ERI1: variants seen among roughly 807,000 people sequenced by gnomAD.
ERI1 encodes exoribonuclease 1, also known as 3'-5' exoribonuclease 1.
Under a neutral mutation model 39.7 loss-of-function variants are expected in ERI1, and 39 were observed. That is an observed-to-expected ratio of 0.98 (90% CI 0.76 to 1.28). The LOEUF is 1.28. Ranked by LOEUF, ERI1 falls within the 50% of genes most tolerant of loss-of-function variation. The pLI, the probability that ERI1 is intolerant of heterozygous loss-of-function variation, is 0.00. For missense variants in ERI1, 581 were observed against 416.9 expected (o/e 1.39, Z -3.43); for synonymous variants, 204 against 149.6 (o/e 1.36, Z -2.65).
intron 1 of ERI1, among the ~76,000 whole-genome samples, chr8:9,005,205 T>A (rs1165980111): frequency 6.6e-6 from 1 of 152,084 alleles, no homozygotes; most frequent in Non-Finnish European, 1.5e-5. Context: ...GATGCAGAGG[T>A]TTTCCTTTTC....
chr8:9,003,708 C>G (rs1183858237), intron 1 of ERI1, among the ~76,000 whole-genome samples: 3 of 152,226 alleles, frequency 2.0e-5, no homozygotes, highest in Admixed American at 6.5e-5. Context: ...ATTTTGACAT[C>G]TCATCGGTTG....
intron 6 of ERI1, among the ~76,000 whole-genome samples, chr8:9,027,178 T>TGTGTG (rs1797232974): frequency 6.6e-6 from 1 of 151,374 alleles, no homozygotes; most frequent in African/African-American, 2.4e-5. Flanking sequence ...TGTGTGTGTG[T>TGTGTG]TTATGGCCAT....
chr8:9,080,637 C>T (rs763583754), intron 3 of ERI1, among the ~76,000 whole-genome samples: 4 of 152,166 alleles, frequency 2.6e-5, no homozygotes, highest in Non-Finnish European at 5.9e-5. Flanking sequence ...TGCCTTATTC[C>T]CCATTGTCTC....
chr8:9,065,507 A>T (rs1798843492), intron 3 of ERI1, among the ~76,000 whole-genome samples: 1 of 151,984 alleles, frequency 6.6e-6, no homozygotes, highest in African/African-American at 2.4e-5. Context: ...CATCTTGGCT[A>T]ACGTGGTGAA....
chr8:9,042,089 G>C (rs924901953), intron 3 of ERI1, among the ~76,000 whole-genome samples: 1 of 152,116 alleles, frequency 6.6e-6, no homozygotes, highest in African/African-American at 2.4e-5. Context: ...GGAAAAGCAA[G>C]AACAAACCAA....
intron 3 of ERI1, among the ~76,000 whole-genome samples, chr8:9,081,054 A>G (rs1236652619): frequency 2.0e-5 from 3 of 152,158 alleles, no homozygotes; most frequent in African/African-American, 7.2e-5. Context: ...ATCATGGTGG[A>G]AGGTGAAGGG....
intron 3 of ERI1, among the ~76,000 whole-genome samples, chr8:9,056,726 TG>T (rs1798521108): frequency 6.6e-6 from 1 of 152,236 alleles, no homozygotes; most frequent in Admixed American, 6.5e-5. Context: ...GGAAAATTGT[TG>T]TATTGATTTG....
intron 3 of ERI1, among the ~76,000 whole-genome samples, chr8:9,051,247 T>A (rs1354840067): frequency 2.0e-5 from 3 of 152,020 alleles, no homozygotes; most frequent in African/African-American, 4.8e-5. Context: ...AGGGACTGCA[T>A]CTGGTGAGGG....
intron 3 of ERI1, among the ~76,000 whole-genome samples, chr8:9,052,651 G>A (rs957278966): frequency 1.6e-4 from 24 of 152,338 alleles, no homozygotes; most frequent in African/African-American, 5.8e-4. Flanking sequence ...GATACATTTA[G>A]GGAAACTGCA....
chr8:9,076,139 C>G (rs1455556846), intron 3 of ERI1, among the ~76,000 whole-genome samples: 2 of 152,102 alleles, frequency 1.3e-5, no homozygotes, highest in Non-Finnish European at 2.9e-5. Context: ...GAGACGAGGG[C>G]TCACTTATTG....
chr8:9,062,966 T>C (rs1225643002), intron 3 of ERI1, among the ~76,000 whole-genome samples: 1 of 152,220 alleles, frequency 6.6e-6, no homozygotes, highest in South Asian at 2.1e-4. Context: ...TTGGAGTTCT[T>C]GTGTGCTGGA....
rs1797973923 is a variant in ERI1 at position 9,040,298 on chromosome 8, T to C, written n.299+19834T>C. ...CCTAACAAGTCCCCAAACATCCCCATTTCTAAATCCCCTTTTACGGAAGTT... is the reference window on the plus strand; with the variant it reads ...CCTAACAAGTCCCCAAACATCCCCACTTCTAAATCCCCTTTTACGGAAGTT... On this transcript the variant is annotated intron_variant and non_coding_transcript_variant, in intron 3 of 3. Coordinates refer to the ERI1 transcript ENST00000518663. Among the ~76,000 whole-genome samples the C allele has an allele frequency of 2.0e-5, 3 of 152,324 alleles. No homozygotes were observed. The South Asian group carries it at 6.2e-4, about 32-fold the overall frequency.
In ERI1 at chr8:9,017,277, T is replaced by G. The variant is rs537242019; in HGVS notation, c.582+872T>G. Among the ~76,000 whole-genome samples the G allele has an allele frequency of 5.7e-4, 86 of 152,054 alleles. 1 individual carries two copies. The highest frequency in any genetic ancestry group is 2.0e-3 in the African/African-American group (83 of 41,488). On this transcript the variant is annotated intron_variant, in intron 4 of 6. Transcript: ENST00000250263. Reference sequence around the variant, plus strand: ...AGGTGGTCTTGAAGAACTCCTGACGTCAAGCCCTCCTCGGTCCCAAAAAGT... The same window carrying G: ...AGGTGGTCTTGAAGAACTCCTGACGGCAAGCCCTCCTCGGTCCCAAAAAGT...
At chr8:9,011,199 A>T in intron 2 of ERI1, among the ~76,000 whole-genome samples, 1 of 152,162 alleles carries the variant, frequency 6.6e-6, no homozygotes, top group East Asian at 1.9e-4. Context: ...TGTATCATAT[A>T]TGTTATCTTA....
intron 6 of ERI1, among the ~76,000 whole-genome samples, chr8:9,025,002 C>G (rs73197707): frequency 0.03 from 4,601 of 152,196 alleles, 104 homozygotes; most frequent in Non-Finnish European, 0.046. Context: ...TTACTGCTTT[C>G]AAATGAATGA....
At chr8:9,073,772 T>C (rs1010939767) in intron 3 of ERI1, among the ~76,000 whole-genome samples, 1 of 152,194 alleles carries the variant, frequency 6.6e-6, no homozygotes, top group African/African-American at 2.4e-5. Context: ...AATCTTTCTC[T>C]ATGCAATCAG....
intron 3 of ERI1, among the ~76,000 whole-genome samples, chr8:9,079,286 G>T (rs1799301872): frequency 6.6e-6 from 1 of 152,216 alleles, no homozygotes; most frequent in African/African-American, 2.4e-5. Flanking sequence ...GCAAGGGTAA[G>T]CCCTGATCTC....
At chr8:9,096,152 A>G (rs550985157) in intron 3 of ERI1, among the ~76,000 whole-genome samples, 92 of 152,348 alleles carry the variant, frequency 6.0e-4, no homozygotes, top group African/African-American at 2.0e-3. Flanking sequence ...CATGGCATTC[A>G]GTGCAGAGCA....
intron 3 of ERI1, among the ~76,000 whole-genome samples, chr8:9,082,245 G>A (rs1376761669): frequency 6.6e-6 from 1 of 152,086 alleles, no homozygotes; most frequent in Non-Finnish European, 1.5e-5. Context: ...TGTTTTTCTT[G>A]TTTTCCTCTT....
Sources: gnomAD v4.1 joint callset for allele counts (sites outside exome capture counted in the v4.1 genomes callset) on GRCh38, gnomAD v4.1.1 for gene constraint, MANE v1.5 for transcripts, NCBI Gene and HGNC (gene_info 2026-07-23, HGNC 2026-07-21) for gene names.